The following TTBK1 variants were observed in gnomAD, a reference collection of about 807,000 sequenced individuals.
TTBK1 encodes tau tubulin kinase 1, also known as tau-tubulin kinase 1.
Under a neutral mutation model 108.5 loss-of-function variants are expected in TTBK1, and 34 were observed. The ratio of observed to expected loss-of-function variants is 0.31; its 90% CI spans 0.24 to 0.42. The LOEUF (loss-of-function observed/expected upper bound fraction) is 0.42. Among genes scored for constraint, TTBK1 ranks in the 10% least tolerant of loss-of-function variants. The pLI is 1.00. For missense variants in TTBK1, 1,539 were observed against 1,826.0 expected (o/e 0.84, Z 2.86); for synonymous variants, 809 against 795.1 (o/e 1.02, Z -0.29).
Position 43,259,580 on chromosome 6 carries a change from C to G in TTBK1, c.1298C>G (p.Ser433Cys), listed in dbSNP as rs766622977. The G allele has an allele frequency of 1.9e-6, 3 of 1,608,746 alleles. No individual in the cohort carries two copies. Among genetic ancestry groups the G allele is most frequent in the African/African-American group, 1.3e-5 (1 of 74,952 alleles). The part of the protein sequence containing the change: ...EQSRGMGVPS[S>C]PVRAPPDSPT... ...AGCCGAGGCATGGGGGTCCCCAGCT[C>G]CCCAGTGCGTGCCCCCCCAGACTCC... Residue 433 changes from serine to cysteine, a missense_variant, in exon 12 of 15, where the codon TCC becomes TGC. This residue lies in a region of TTBK1 where 277 missense variants were observed against 332.4 expected (regional missense o/e 0.83). Coordinates refer to ENST00000259750, the MANE Select transcript of TTBK1 (RefSeq NM_032538.3). The surrounding 1 kb of genome is among the most constrained non-coding windows in gnomAD (Gnocchi z 6.7).
Position 43,284,242 on chromosome 6 carries a change from G to A in TTBK1, c.3502G>A (p.Val1168Ile). ...CATTGGCCTCCGCATGCCCATGCCT[G>A]TTGCAGCCCAGCAGCCCGCCAGCAG... ...RPIGLRMPMP[V>I]AAQQPASRSH... Residue 1168 changes from valine to isoleucine, a missense_variant, in exon 14 of 15, where the codon GTT becomes ATT. Coordinates refer to ENST00000259750, the MANE Select transcript of TTBK1 (RefSeq NM_032538.3). 1 of 1,596,294 alleles carries A rather than the reference G, an allele frequency of 6.3e-7. No individual in the cohort carries two copies. Among genetic ancestry groups the A allele is most frequent in the South Asian group, 1.1e-5 (1 of 90,670 alleles).
In TTBK1 at chr6:43,279,758, T is replaced by G. The variant is rs72855847; in HGVS notation, c.1987-2969T>G. The stretch of plus-strand genomic sequence containing the variant: ...CCTATATGTGGAGGGGACAAAGTTT[T>G]TTGTTGTTGTTGTTGTTGTTGTTGT... On this transcript the variant is annotated intron_variant, in intron 13 of 14. Transcript: ENST00000259750. Among the ~76,000 whole-genome samples, 26 of 150,996 alleles carry G rather than the reference T, an allele frequency of 1.7e-4. 1 individual carries two copies. Among genetic ancestry groups the G allele is most frequent in the South Asian group, 6.3e-4 (3 of 4,760 alleles).
intron 12 of TTBK1, among the ~76,000 whole-genome samples, chr6:43,260,942 AACAC>A (rs747858530): frequency 4.0e-5 from 6 of 150,850 alleles, no homozygotes; most frequent in Admixed American, 6.6e-5. Flanking sequence ...CACACATGCA[AACAC>A]ACACACACAC....
chr6:43,266,963 T>C (rs1369827040), intron 13 of TTBK1, among the ~76,000 whole-genome samples: 1 of 148,556 alleles, frequency 6.7e-6, no homozygotes, highest in African/African-American at 2.5e-5. Context: ...AGAGAGCAGA[T>C]GGTTTGTGCA....
rs2150689944 is a variant in TTBK1, at chr6:43,257,698, C to T, written c.862-114C>T. 5.6e-6 allele frequency: 6 copies of T among 1,067,038 alleles called. No individual in the cohort carries two copies. Among genetic ancestry groups the T allele is most frequent in the Non-Finnish European group, 6.9e-6 (5 of 726,814 alleles). The allele number at this position is 1,067,038 out of a possible 1,614,324, so 66.1% of individuals were successfully genotyped here. On this transcript the variant is annotated intron_variant, in intron 9 of 14. Transcript: ENST00000259750. This position sits in a 1 kb window ranked among gnomAD's most constrained non-coding sequence, Gnocchi z 4.5. ...CTCCTTCCAATGCCCCCTCCAGGCCCATTCCTGTCCTGGAAAGTCCCTGTC... is the reference window on the plus strand; with the variant it reads ...CTCCTTCCAATGCCCCCTCCAGGCCTATTCCTGTCCTGGAAAGTCCCTGTC...
intron 13 of TTBK1, chr6:43,270,078 C>T: frequency 3.5e-6 from 5 of 1,410,412 alleles, no homozygotes; most frequent in Non-Finnish European, 4.6e-6. Flanking sequence ...TCATGCAATA[C>T]AGCCCCCCTA....
At chr6:43,255,179 C>T (rs1777351785) in intron 7 of TTBK1, 65 bp downstream of exon 7, 1 of 523,734 alleles carries the variant, frequency 1.9e-6, no homozygotes, top group African/African-American at 2.3e-5. Context: ...GTGCAGTGTG[C>T]TGCTGGGGAG....
Position 43,285,415 on chromosome 6 carries a change from C to T in TTBK1, c.*39C>T. ...TCTCCGCGGTCCCCCACCCTCACCC[C>T]GGCCCCCCACCCGCAGCCGGCCACA... On this transcript the variant is annotated 3_prime_UTR_variant, in exon 15 of 15. Transcript: ENST00000259750. The surrounding 1 kb of genome is among the most constrained non-coding windows in gnomAD (Gnocchi z 4.7). 1 of 1,251,574 alleles carries T rather than the reference C, an allele frequency of 8.0e-7. No individual in the cohort carries two copies. Among genetic ancestry groups the T allele is most frequent in the Non-Finnish European group, 1.0e-6 (1 of 1,000,808 alleles). The allele number at this position is 1,251,574 out of a possible 1,614,324, so 77.5% of individuals were successfully genotyped here.
At chr6:43,260,337 GACA>G (rs959152457) in intron 12 of TTBK1, among the ~76,000 whole-genome samples, 2 of 152,200 alleles carry the variant, frequency 1.3e-5, no homozygotes, top group Admixed American at 6.5e-5. Flanking sequence ...TGGTGGGTGG[GACA>G]ACATCAGGTG....
chr6:43,284,201 G>A lies in TTBK1; in HGVS notation c.3461G>A (p.Ser1154Asn). 2 of 1,583,544 alleles carry A rather than the reference G, an allele frequency of 1.3e-6. No individual in the cohort carries two copies. Among genetic ancestry groups the A allele is most frequent in the Non-Finnish European group, 1.7e-6 (2 of 1,172,718 alleles). The part of the protein sequence containing the change: ...RKSGRAAATR[S>N]RIPRPIGLRM... ...AGCGGGAGGGCAGCCGCCACCAGGA[G>A]CCGGATTCCCCGCCCCATTGGCCTC... The change falls in exon 14 of 15, where the codon AGC becomes AAC. Residue 1154 changes from serine to asparagine, a missense_variant. Ser to Asn is a conservative substitution (Grantham distance 46, BLOSUM62 1). Coordinates refer to ENST00000259750, the MANE Select transcript of TTBK1 (RefSeq NM_032538.3).
Position 43,284,212 on chromosome 6 carries a change from C to T in TTBK1, c.3472C>T (p.Arg1158Cys), listed in dbSNP as rs1284821007. ...AGCCGCCACCAGGAGCCGGATTCCC[C>T]GCCCCATTGGCCTCCGCATGCCCAT... ...RAAATRSRIP[R>C]PIGLRMPMPV... The change falls in exon 14 of 15, where the codon CGC becomes TGC. Residue 1158 changes from arginine to cysteine, a missense_variant. This residue lies in a region of TTBK1 where 1,055 missense variants were observed against 1,086.5 expected (regional missense o/e 0.97). Transcript: ENST00000259750. 2 of 1,590,296 alleles carry T rather than the reference C, an allele frequency of 1.3e-6. No homozygotes were observed. The highest frequency in any genetic ancestry group is 1.7e-6 in the Non-Finnish European group (2 of 1,176,008).
intron 1 of TTBK1, among the ~76,000 whole-genome samples, chr6:43,244,971 C>T (rs974446867): frequency 6.6e-6 from 1 of 152,202 alleles, no homozygotes; most frequent in Non-Finnish European, 1.5e-5. Flanking sequence ...AGTCCTGATG[C>T]TCTGAAGTTG....
At position 43,276,931 on chromosome 6, in the gene TTBK1, G is replaced by A. The variant is rs1778015043; in HGVS notation, c.1987-5796G>A. Among the ~76,000 whole-genome samples, 1 of 152,164 alleles carries A rather than the reference G, an allele frequency of 6.6e-6. No individual in the cohort carries two copies. The highest frequency in any genetic ancestry group is 1.5e-5 in the Non-Finnish European group (1 of 68,036). Reference sequence around the variant, plus strand: ...TGCTGGCAGTCTCCTTTCACTGAACGGGTGGGGAGGGAAGGGGTGAGTGGA... The same window carrying A: ...TGCTGGCAGTCTCCTTTCACTGAACAGGTGGGGAGGGAAGGGGTGAGTGGA... On this transcript the variant is annotated intron_variant, in intron 13 of 14. Coordinates refer to ENST00000259750, the MANE Select transcript of TTBK1 (RefSeq NM_032538.3). This position sits in a 1 kb window ranked among gnomAD's most constrained non-coding sequence, Gnocchi z 5.4.
chr6:43,263,501 AC>A lies in TTBK1; in HGVS notation c.1986+153del. On this transcript the variant is annotated intron_variant, in intron 13 of 14. Coordinates refer to ENST00000259750, the MANE Select transcript of TTBK1 (RefSeq NM_032538.3). The surrounding 1 kb of genome is among the most constrained non-coding windows in gnomAD (Gnocchi z 4.7). ...AGGTAGACAGGCTTAAGGGTCTGAA[AC>A]CATGTTTGAGGGGCAGGCAAGGCTT... is the stretch of plus-strand genomic sequence containing the variant. The A allele has an allele frequency of 2.5e-6, 2 of 789,098 alleles. No homozygotes were observed. Among genetic ancestry groups the A allele is most frequent in the Non-Finnish European group, 3.6e-6 (2 of 555,730 alleles). 48.9% of individuals were successfully genotyped at this position (789,098 alleles called of 1,614,324 possible).
At chr6:43,251,866 C>T (rs1777249811) in intron 2 of TTBK1, among the ~76,000 whole-genome samples, 1 of 152,172 alleles carries the variant, frequency 6.6e-6, no homozygotes, top group African/African-American at 2.4e-5. Context: ...GAGCATGGGC[C>T]GCGAACATCC....
chr6:43,251,373 G>A (rs900324982), intron 2 of TTBK1, among the ~76,000 whole-genome samples: 2 of 152,214 alleles, frequency 1.3e-5, no homozygotes, highest in African/African-American at 2.4e-5. Context: ...TGCACAGAGC[G>A]GACAGGCCCC....
chr6:43,252,936 G>A, intron 3 of TTBK1, 50 bp downstream of exon 3: 2 of 1,598,642 alleles, frequency 1.3e-6, no homozygotes, highest in African/African-American at 1.3e-5. Flanking sequence ...TGAAGCCAGG[G>A]GCTAAGAGAG....
chr6:43,249,133 A>C (rs528528079), intron 2 of TTBK1, among the ~76,000 whole-genome samples: 1 of 152,124 alleles, frequency 6.6e-6, no homozygotes, highest in South Asian at 2.1e-4. Flanking sequence ...AAGAATCAGG[A>C]CCACTGAGCT....
rs1777417103 is a variant in TTBK1, at chr6:43,257,714, A to G, written c.862-98A>G. ...CTCCAGGCCCATTCCTGTCCTGGAA[A>G]GTCCCTGTCTTCCTCCTATGATCCC... On this transcript the variant is annotated intron_variant, in intron 9 of 14. Coordinates refer to ENST00000259750, the MANE Select transcript of TTBK1 (RefSeq NM_032538.3). This position sits in a 1 kb window ranked among gnomAD's most constrained non-coding sequence, Gnocchi z 4.5. The G allele has an allele frequency of 7.7e-7, 1 of 1,302,884 alleles. No individual in the cohort carries two copies. Among genetic ancestry groups the G allele is most frequent in the Middle Eastern group, 1.9e-4 (1 of 5,182 alleles). 80.7% of individuals were successfully genotyped at this position (1,302,884 alleles called of 1,614,324 possible). A position where few individuals can be genotyped will look rare whatever the true frequency, so the allele number is the denominator to read the frequency against.
Sources: gnomAD v4.1 joint callset for allele counts (sites outside exome capture counted in the v4.1 genomes callset) on GRCh38, gnomAD v4.1.1 for gene constraint, gnomAD v4.1.1 regional missense constraint, Gnocchi (gnomAD v3.1) non-coding constraint, MANE v1.5 for transcripts, NCBI Gene and HGNC (gene_info 2026-07-23, HGNC 2026-07-21) for gene names.